ISM1: variants seen among roughly 807,000 people sequenced by gnomAD.
The protein encoded by ISM1 is isthmin 1.
A neutral mutation model predicts 46.3 loss-of-function variants in ISM1; 25 were observed. The observed-to-expected ratio is 0.54, with a 90% CI of 0.39 to 0.75. The LOEUF (loss-of-function observed/expected upper bound fraction) is 0.75. Ranked by LOEUF, ISM1 falls within the 30% of genes least tolerant of loss-of-function variation. The probability of loss-of-function intolerance (pLI) is 0.00; values close to 1 mark genes in which losing one functional copy is unlikely to be tolerated. For synonymous variants in ISM1, 255 were observed against 256.7 expected, an observed-to-expected ratio of 0.99 and a Z score of 0.06; for missense variants, 536 against 625.4, an observed-to-expected ratio of 0.86 and a Z score of 1.52.
At chr20:13,240,358 G>C (rs1310274992) in intron 1 of ISM1, among the ~76,000 whole-genome samples, 2 of 152,196 alleles carry the variant, frequency 1.3e-5, no homozygotes, top group African/African-American at 4.8e-5. Context: ...TACTAAAAGA[G>C]GGTGGTCAAG....
intron 1 of ISM1, among the ~76,000 whole-genome samples, chr20:13,234,209 G>A (rs183206530): frequency 2.0e-5 from 3 of 152,266 alleles, no homozygotes; most frequent in East Asian, 1.9e-4. Context: ...AAGGGAGAAC[G>A]TGGTATTCGA....
At chr20:13,302,022 A>ACT (rs1361791157), downstream of ISM1, among the ~76,000 whole-genome samples, 21 of 152,294 alleles carry the variant, frequency 1.4e-4, no homozygotes, top group African/African-American at 5.1e-4. Flanking sequence ...AAAGCAAAGA[A>ACT]ATAGGTAAGT....
intron 1 of ISM1, among the ~76,000 whole-genome samples, chr20:13,227,599 C>T (rs1244773372): frequency 2.6e-5 from 4 of 151,388 alleles, no homozygotes; most frequent in Non-Finnish European, 5.9e-5. Context: ...AACTCTGCCT[C>T]CTGGCTTCAC....
intron 1 of ISM1, among the ~76,000 whole-genome samples, chr20:13,224,994 T>TGA (rs2039501083): frequency 6.6e-6 from 1 of 151,036 alleles, no homozygotes; most frequent in Admixed American, 6.6e-5. Flanking sequence ...TACAGGCGCC[T>TGA]GCCACCACGC....
intron 3 of ISM1, among the ~76,000 whole-genome samples, chr20:13,286,223 T>C (rs1203898411): frequency 6.6e-6 from 1 of 152,176 alleles, no homozygotes; most frequent in Non-Finnish European, 1.5e-5. Flanking sequence ...CCGCTGCACC[T>C]GGATGCTTCT....
chr20:13,318,170 C>T, the ISM1 span, among the ~76,000 whole-genome samples: 8 of 23,704 alleles, frequency 3.4e-4, no homozygotes, highest in Non-Finnish European at 7.4e-4. Flanking sequence ...TAAAAATGAG[C>T]CAAAGACTCT....
the ISM1 span, among the ~76,000 whole-genome samples, chr20:13,324,188 AC>A: frequency 6.6e-6 from 1 of 152,222 alleles, no homozygotes; most frequent in African/African-American, 2.4e-5. Context: ...CCTGTTTACA[AC>A]AAGTGGCTGT....
At chr20:13,252,935 C>G (rs947252280) in intron 1 of ISM1, among the ~76,000 whole-genome samples, 3 of 152,190 alleles carry the variant, frequency 2.0e-5, no homozygotes, top group Admixed American at 6.5e-5. Flanking sequence ...CCCCAGCCCC[C>G]CCTCTCAGAT....
Position 13,299,192 on chromosome 20 carries a change from G to T in ISM1, c.1128G>T (p.Glu376Asp). 6.2e-7 allele frequency: 1 copy of T among 1,605,502 alleles called. No homozygotes were observed. Among genetic ancestry groups the T allele is most frequent in the Non-Finnish European group, 8.5e-7 (1 of 1,176,016 alleles). Reference sequence around the variant, plus strand: ...GCATCCGCTCCATGCTGTCCCTGGAGAGCACCACGCTGGCGGCACAGCACT... The same window carrying T: ...GCATCCGCTCCATGCTGTCCCTGGATAGCACCACGCTGGCGGCACAGCACT... ...RYCIRSMLSL[E>D]STTLAAQHCC... Residue 376 changes from glutamate (E) to aspartate (D), a missense_variant, in exon 6 of 6, where the codon GAG (glutamate) becomes GAT (aspartate). By Grantham distance (45) the Glu-to-Asp change is conservative. Transcript: ENST00000262487. The surrounding 1 kb of genome is among the most constrained non-coding windows in gnomAD (Gnocchi z 5.8).
At chr20:13,314,765 AAC>A in the ISM1 span, among the ~76,000 whole-genome samples, 71 of 152,268 alleles carry the variant, frequency 4.7e-4, no homozygotes, top group Admixed American at 9.8e-4. Flanking sequence ...TCTAACAGAT[AAC>A]AGTGTGTTCA....
At chr20:13,270,422 C>A in intron 1 of ISM1, 82 bp from the exon 2 acceptor site, 1 of 1,463,856 alleles carries the variant, frequency 6.8e-7, no homozygotes, top group South Asian at 1.3e-5. Flanking sequence ...TGTCCTTGCT[C>A]CTGAATATAA....
downstream of ISM1, among the ~76,000 whole-genome samples, chr20:13,305,187 C>A (rs1175526685): frequency 1.5e-5 from 2 of 130,368 alleles, no homozygotes; most frequent in Non-Finnish European, 3.2e-5. Flanking sequence ...GATTTTAATA[C>A]CGTTGAGTTG....
At chr20:13,226,540 C>T (rs6109763) in intron 1 of ISM1, among the ~76,000 whole-genome samples, 35,965 of 152,000 alleles carry the variant, frequency 0.24, 4,294 homozygotes, top group African/African-American at 0.28. Flanking sequence ...CAGCACCTTG[C>T]TTGGGCTCAG....
chr20:13,296,704 G>A (rs1278479052), intron 5 of ISM1, among the ~76,000 whole-genome samples: 1 of 152,136 alleles, frequency 6.6e-6, no homozygotes, highest in Non-Finnish European at 1.5e-5. Flanking sequence ...AAGGAGAGAA[G>A]CTTAATCAAA....
chr20:13,225,075 A>G lies in ISM1; in HGVS notation c.138+3161A>G, dbSNP rs556203918. Among the ~76,000 whole-genome samples the G allele has an allele frequency of 7.6e-4, 112 of 146,572 alleles. 1 individual carries two copies. The highest frequency in any genetic ancestry group is 4.3e-3 in the South Asian group (20 of 4,624). Reference sequence around the variant, plus strand: ...TCACCGTGTTAGCCAGGATGGTCTCACTCTCCTGACCTCATGATCCGCCCG... The same window carrying G: ...TCACCGTGTTAGCCAGGATGGTCTCGCTCTCCTGACCTCATGATCCGCCCG... On this transcript the variant is annotated intron_variant, in intron 1 of 5. Coordinates refer to ENST00000262487, the MANE Select transcript of ISM1 (RefSeq NM_080826.2).
chr20:13,254,524 G>A (rs1161654745), intron 1 of ISM1, among the ~76,000 whole-genome samples: 2 of 152,172 alleles, frequency 1.3e-5, no homozygotes. Flanking sequence ...GCTCTCTGTT[G>A]CTTTGCCAGG....
At chr20:13,289,889 A>C (rs1433018333) in intron 4 of ISM1, among the ~76,000 whole-genome samples, 1 of 152,208 alleles carries the variant, frequency 6.6e-6, no homozygotes, top group East Asian at 1.9e-4. Context: ...TTGGCTGAAA[A>C]AAATTTCAGA....
chr20:13,223,933 C>A (rs1294776572), intron 1 of ISM1, among the ~76,000 whole-genome samples: 2 of 151,920 alleles, frequency 1.3e-5, no homozygotes, highest in South Asian at 4.1e-4. Context: ...TTAGAATAAC[C>A]CGGGGTTGGC....
chr20:13,221,947 C>T (rs1442470440), intron 1 of ISM1, 33 bp downstream of exon 1: 1 of 1,310,354 alleles, frequency 7.6e-7, no homozygotes, highest in Non-Finnish European at 9.7e-7. Flanking sequence ...CCGTGCGCGG[C>T]TGCGGGGACG....
Sources: allele counts gnomAD v4.1 joint callset (sites outside exome capture counted in the v4.1 genomes callset), GRCh38; gene constraint gnomAD v4.1.1; non-coding constraint Gnocchi (gnomAD v3.1); transcripts MANE v1.5; gene names NCBI Gene and HGNC (gene_info 2026-07-23, HGNC 2026-07-21).